RAD54L2: variants seen among roughly 807,000 people sequenced by gnomAD.
The protein encoded by RAD54L2 is RAD54 like 2.
Under a neutral mutation model 138.4 loss-of-function variants are expected in RAD54L2, and 27 were observed. That is an observed-to-expected ratio of 0.20 (90% CI 0.14 to 0.27). The LOEUF is 0.27. Among genes scored for constraint, RAD54L2 ranks in the 10% least tolerant of loss-of-function variants. RAD54L2 has a pLI of 1.00. For synonymous variants in RAD54L2, 644 were observed against 723.2 expected (o/e 0.89, Z 1.76); for missense variants, 1,396 against 1,890.2 (o/e 0.74, Z 4.85).
At chr3:51,636,838 C>T (rs1016399899) in intron 10 of RAD54L2, among the ~76,000 whole-genome samples, 3 of 152,058 alleles carry the variant, frequency 2.0e-5, no homozygotes, top group Non-Finnish European at 2.9e-5. Flanking sequence ...GAGGCTGAGG[C>T]AGGAGAATCG....
chr3:51,622,478 C>G lies in RAD54L2; in HGVS notation c.140-5075C>G, dbSNP rs191930262. Among the ~76,000 whole-genome samples the G allele has an allele frequency of 5.9e-5, 9 of 152,220 alleles. No homozygotes were observed. The East Asian group carries it at 1.7e-3, about 29-fold the overall frequency. ...CATCATGAGCATTTCTTGTCTGATG[C>G]CTTTCTTGACCATTTCTCCTTTGCT... On this transcript the variant is annotated intron_variant, in intron 3 of 22. Transcript: ENST00000684192.
intron 2 of RAD54L2, among the ~76,000 whole-genome samples, chr3:51,548,047 A>G (rs1479655544): frequency 1.8e-4 from 11 of 61,562 alleles, no homozygotes; most frequent in African/African-American, 7.5e-4. Flanking sequence ...ACCTGCCACC[A>G]CACTCGGTTA....
rs1701000076 is a variant in RAD54L2, at chr3:51,637,101, T to C, written c.1340-60T>C. The C allele has an allele frequency of 7.1e-7, 1 of 1,412,032 alleles. No individual in the cohort carries two copies. Among genetic ancestry groups the C allele is most frequent in the Non-Finnish European group, 9.8e-7 (1 of 1,024,816 alleles). The allele number at this position is 1,412,032 out of a possible 1,614,324, so 87.5% of individuals were successfully genotyped here. On this transcript the variant is annotated intron_variant, in intron 10 of 22. Coordinates refer to ENST00000684192, the MANE Select transcript of RAD54L2 (RefSeq NM_015106.4). The surrounding 1 kb of genome is among the most constrained non-coding windows in gnomAD (Gnocchi z 5.9). ...CTCCAGGGTGCACCCCTACTTCTCA[T>C]ATTATTGACTAAGAGCAGGCCCTGT...
chr3:51,650,983 CAATG>C (rs1701415900), intron 19 of RAD54L2, among the ~76,000 whole-genome samples: 1 of 151,992 alleles, frequency 6.6e-6, no homozygotes. Flanking sequence ...TTCAAAAAGT[CAATG>C]AATTCAGGAG....
In RAD54L2 at chr3:51,576,076, A is replaced by G. The variant is rs200246223; in HGVS notation, c.-54-14291A>G. On this transcript the variant is annotated intron_variant, in intron 2 of 22. Transcript: ENST00000684192. ...GCATGAAGGGCTGTTGAATTTTGTC[A>G]AAGGCCTTTTCTGCATCTATTGAGA... 7.2e-5 allele frequency among the ~76,000 whole-genome samples: 11 copies of G among 152,276 alleles called. No homozygotes were observed. In the East Asian group the frequency reaches 1.5e-3, roughly 21 times the overall value.
chr3:51,626,504 G>C (rs1404447042), intron 3 of RAD54L2, among the ~76,000 whole-genome samples: 1 of 136,252 alleles, frequency 7.3e-6, no homozygotes. Context: ...GAGTGCAATG[G>C]TGTGATCTTG....
intron 2 of RAD54L2, among the ~76,000 whole-genome samples, chr3:51,586,394 A>G (rs564440565): frequency 6.6e-6 from 1 of 150,674 alleles, no homozygotes; most frequent in East Asian, 1.9e-4. Flanking sequence ...CTGGGATTAC[A>G]GGCATGAACC....
At chr3:51,544,595 A>G (rs1698637034) in intron 2 of RAD54L2, among the ~76,000 whole-genome samples, 1 of 152,146 alleles carries the variant, frequency 6.6e-6, no homozygotes. Flanking sequence ...CCTGCTGGGA[A>G]TGGGTAATGA....
intron 1 of RAD54L2, among the ~76,000 whole-genome samples, chr3:51,539,644 G>C (rs1434745279): frequency 1.3e-5 from 2 of 152,068 alleles, no homozygotes; most frequent in African/African-American, 2.4e-5. Context: ...GTAGAGGAGG[G>C]TTGATAGGCT....
chr3:51,569,328 A>G (rs1344339637), intron 2 of RAD54L2, among the ~76,000 whole-genome samples: 2 of 152,068 alleles, frequency 1.3e-5, no homozygotes, highest in South Asian at 2.1e-4. Flanking sequence ...TGAATTATTT[A>G]TTTTCACAAA....
chr3:51,646,227 A>C, intron 18 of RAD54L2, 58 bp from the exon 19 acceptor site: 1 of 1,454,222 alleles, frequency 6.9e-7, no homozygotes, highest in South Asian at 1.2e-5. Flanking sequence ...TCCTAAAGTA[A>C]GGCTCATTAT....
intron 2 of RAD54L2, among the ~76,000 whole-genome samples, chr3:51,560,123 AC>A (rs2106637906): frequency 1.3e-5 from 2 of 150,664 alleles, no homozygotes; most frequent in South Asian, 4.2e-4. Context: ...AAGAGCTCCC[AC>A]CCCATGATAT....
At chr3:51,569,498 C>T (rs552120804) in intron 2 of RAD54L2, among the ~76,000 whole-genome samples, 2 of 152,058 alleles carry the variant, frequency 1.3e-5, no homozygotes, top group African/African-American at 2.4e-5. Flanking sequence ...ATTCTTCTGC[C>T]TCAGTCTCCC....
rs533597878 is a variant in RAD54L2, at chr3:51,598,986, T to C, written c.139+8427T>C. Among the ~76,000 whole-genome samples the C allele has an allele frequency of 2.6e-5, 4 of 152,264 alleles. No individual in the cohort carries two copies. In the South Asian group the frequency reaches 8.3e-4, roughly 32 times the overall value. ...TTAATTGAACCCAAAGAGGGCTTCATGGGAACCCCAACATGAAGCCTATCA... is the reference window on the plus strand; with the variant it reads ...TTAATTGAACCCAAAGAGGGCTTCACGGGAACCCCAACATGAAGCCTATCA... On this transcript the variant is annotated intron_variant, in intron 3 of 22. Coordinates refer to ENST00000684192, the MANE Select transcript of RAD54L2 (RefSeq NM_015106.4).
intron 2 of RAD54L2, among the ~76,000 whole-genome samples, chr3:51,582,026 T>G (rs1699617274): frequency 6.6e-6 from 1 of 151,832 alleles, no homozygotes; most frequent in Admixed American, 6.6e-5. Flanking sequence ...TGAGCTCAAG[T>G]GATCCTCTGG....
At chr3:51,618,805 A>G (rs893584703) in intron 3 of RAD54L2, among the ~76,000 whole-genome samples, 1 of 152,168 alleles carries the variant, frequency 6.6e-6, no homozygotes, top group Admixed American at 6.6e-5. Context: ...ACTTTTTTCC[A>G]TAGATAAATA....
chr3:51,579,768 A>G (rs1443000017), intron 2 of RAD54L2, among the ~76,000 whole-genome samples: 4 of 152,244 alleles, frequency 2.6e-5, no homozygotes, highest in East Asian at 3.8e-4. Context: ...TAAGTAGTAT[A>G]TAGATAAGAA....
Position 51,599,498 on chromosome 3 carries a change from A to G in RAD54L2, c.139+8939A>G, listed in dbSNP as rs549691947. Among the ~76,000 whole-genome samples the G allele has an allele frequency of 2.0e-5, 3 of 152,256 alleles. 1 individual carries two copies. The South Asian group carries it at 6.2e-4, about 32-fold the overall frequency. On this transcript the variant is annotated intron_variant, in intron 3 of 22. Transcript: ENST00000684192. ...GTTTTATATAAATAGTATACAATCAAACCTGAATAAAGGTGGGAAAAATGT... is the reference window on the plus strand; with the variant it reads ...GTTTTATATAAATAGTATACAATCAGACCTGAATAAAGGTGGGAAAAATGT...
chr3:51,558,124 G>C (rs1699015698), intron 2 of RAD54L2, among the ~76,000 whole-genome samples: 1 of 152,088 alleles, frequency 6.6e-6, no homozygotes, highest in South Asian at 2.1e-4. Flanking sequence ...GGGATTACAG[G>C]TGTGAGCCAC....
Sources: allele counts gnomAD v4.1 joint callset (sites outside exome capture counted in the v4.1 genomes callset), GRCh38; gene constraint gnomAD v4.1.1; non-coding constraint Gnocchi (gnomAD v3.1); transcripts MANE v1.5; gene names NCBI Gene and HGNC (gene_info 2026-07-23, HGNC 2026-07-21).